The following PCDHGA12 variants were observed in gnomAD, a reference collection of about 807,000 sequenced individuals.
The protein encoded by PCDHGA12 is protocadherin gamma-A12.
In PCDHGA12, 43 loss-of-function variants were observed where a neutral mutation model predicts 61.1. That is an observed-to-expected ratio of 0.70 (90% CI 0.55 to 0.91). The LOEUF is 0.91. Among genes scored for constraint, PCDHGA12 ranks in the 40% least tolerant of loss-of-function variants. PCDHGA12 has a pLI of 0.00. For missense variants in PCDHGA12, 1,236 were observed against 1,227.7 expected (o/e 1.01, Z -0.10); for synonymous variants, 520 against 542.9 (o/e 0.96, Z 0.59).
In PCDHGA12 at chr5:141,481,399, T is replaced by G. The variant is rs35677249; in HGVS notation, c.2425-13408T>G. 1.9e-3 allele frequency among the ~76,000 whole-genome samples: 284 copies of G among 152,356 alleles called. 1 individual carries two copies. Among genetic ancestry groups the G allele is most frequent in the Middle Eastern group, 0.01 (3 of 294 alleles). ...TTCTTTTTGGAGGGATGTGACAAAA[T>G]TCTTGTATAATTAGATTGTGATGAT... is the stretch of plus-strand genomic sequence containing the variant. On this transcript the variant is annotated intron_variant, in intron 1 of 3. Transcript: ENST00000252085.
intron 1 of PCDHGA12, among the ~76,000 whole-genome samples, chr5:141,448,869 T>C (rs1375609555): frequency 6.6e-6 from 1 of 151,930 alleles, no homozygotes; most frequent in Non-Finnish European, 1.5e-5. Flanking sequence ...GGCGTGAACC[T>C]GGGAGGCGGA....
At chr5:141,433,765 A>G (rs1389737053) in intron 1 of PCDHGA12, among the ~76,000 whole-genome samples, 1 of 148,692 alleles carries the variant, frequency 6.7e-6, no homozygotes, top group Non-Finnish European at 1.5e-5. Flanking sequence ...TTAACCTGGG[A>G]GGTGGAGGTT....
chr5:141,443,826 G>C (rs955306823), intron 1 of PCDHGA12, among the ~76,000 whole-genome samples: 1 of 151,978 alleles, frequency 6.6e-6, no homozygotes, highest in African/African-American at 2.4e-5. Flanking sequence ...AACATAATTA[G>C]GTAAAATGGG....
At position 141,477,924 on chromosome 5, in the gene PCDHGA12, A is replaced by G; in HGVS notation, c.2425-16883A>G. 1 of 1,614,140 alleles carries G rather than the reference A, an allele frequency of 6.2e-7. No homozygotes were observed. On this transcript the variant is annotated intron_variant, in intron 1 of 3. Transcript: ENST00000252085. The surrounding 1 kb of genome is among the most constrained non-coding windows in gnomAD (Gnocchi z 4.9). ...GGCTGGGACGCGGATGCAGGGCACA[A>G]TGCCTGGCTCTCCTACAGTCTCTTG...
chr5:141,491,332 C>T lies in PCDHGA12; in HGVS notation c.2425-3475C>T, dbSNP rs1013118722. 2 of 1,614,072 alleles carry T rather than the reference C, an allele frequency of 1.2e-6. No individual in the cohort carries two copies. The highest frequency in any genetic ancestry group is 2.7e-5 in the African/African-American group (2 of 74,944). On this transcript the variant is annotated intron_variant, in intron 1 of 3. Coordinates refer to ENST00000252085, the MANE Select transcript of PCDHGA12 (RefSeq NM_003735.3). This position sits in a 1 kb window ranked among gnomAD's most constrained non-coding sequence, Gnocchi z 6.9. ...CCTTACCCTTTACCTCATTGTGGCT[C>T]TAGCGACCGTCAGTCTCTTATCCCT...
intron 1 of PCDHGA12, among the ~76,000 whole-genome samples, chr5:141,482,161 G>A (rs2099554171): frequency 6.6e-6 from 1 of 152,008 alleles, no homozygotes; most frequent in Non-Finnish European, 1.5e-5. Context: ...TCAAAGATAT[G>A]TAAGATTAAG....
rs1303712746 is a variant in PCDHGA12 at position 141,512,800 on chromosome 5, C to G, written c.*1627C>G. The G allele has an allele frequency of 1.3e-5, 2 of 152,238 alleles. No homozygotes were observed. Among genetic ancestry groups the G allele is most frequent in the African/African-American group, 4.8e-5 (2 of 41,434 alleles). The allele number at this position is 152,238 out of a possible 1,614,324, so 9.4% of individuals were successfully genotyped here. A position where few individuals can be genotyped will look rare whatever the true frequency, so the allele number is the denominator to read the frequency against. On this transcript the variant is annotated 3_prime_UTR_variant, in exon 4 of 4. Coordinates refer to ENST00000252085, the MANE Select transcript of PCDHGA12 (RefSeq NM_003735.3). Reference sequence around the variant, plus strand: ...GCCCGTGTTGTGTTTTGTGCTGTGTCCACGCGCTAAGGCGACCCCCTCCCC... The same window carrying G: ...GCCCGTGTTGTGTTTTGTGCTGTGTGCACGCGCTAAGGCGACCCCCTCCCC...
At chr5:141,449,025 C>G (rs2154562458) in intron 1 of PCDHGA12, among the ~76,000 whole-genome samples, 1 of 152,216 alleles carries the variant, frequency 6.6e-6, no homozygotes, top group East Asian at 1.9e-4. Flanking sequence ...GCTTAGCATT[C>G]CTTTGGATTA....
rs1049831420 is a variant in PCDHGA12 at position 141,486,549 on chromosome 5, C to T, written c.2425-8258C>T. ...AATCCACCCTCTTTCTTTCAGAGGTCACATGAGGTGTTTGTTCCTGAGAAC... is the reference window on the plus strand; with the variant it reads ...AATCCACCCTCTTTCTTTCAGAGGTTACATGAGGTGTTTGTTCCTGAGAAC... On this transcript the variant is annotated intron_variant, in intron 1 of 3. Coordinates refer to ENST00000252085, the MANE Select transcript of PCDHGA12 (RefSeq NM_003735.3). This position sits in a 1 kb window ranked among gnomAD's most constrained non-coding sequence, Gnocchi z 5.0. The T allele has an allele frequency of 3.1e-6, 5 of 1,613,982 alleles. No individual in the cohort carries two copies. In the African/African-American group the frequency reaches 4.0e-5, roughly 13 times the overall value.
At chr5:141,445,844 A>T (rs979756627) in intron 1 of PCDHGA12, among the ~76,000 whole-genome samples, 3 of 152,216 alleles carry the variant, frequency 2.0e-5, no homozygotes, top group Admixed American at 1.3e-4. Context: ...TGTAAATCAC[A>T]CTTAAAATTC....
chr5:141,452,133 A>C (rs2098734490), intron 1 of PCDHGA12, among the ~76,000 whole-genome samples: 1 of 152,136 alleles, frequency 6.6e-6, no homozygotes, highest in Admixed American at 6.5e-5. Flanking sequence ...TATATGGCTC[A>C]TGTGTTTTTT....
At chr5:141,435,421 C>T (rs1384040447) in intron 1 of PCDHGA12, among the ~76,000 whole-genome samples, 2 of 152,096 alleles carry the variant, frequency 1.3e-5, no homozygotes, top group Non-Finnish European at 2.9e-5. Context: ...CTATTTTTCA[C>T]TTCTGTTATG....
chr5:141,493,250 C>T lies in PCDHGA12; in HGVS notation c.2425-1557C>T, dbSNP rs1330348553. On this transcript the variant is annotated intron_variant, in intron 1 of 3. Coordinates refer to ENST00000252085, the MANE Select transcript of PCDHGA12 (RefSeq NM_003735.3). The surrounding 1 kb of genome is among the most constrained non-coding windows in gnomAD (Gnocchi z 4.3). ...TGCTGTTGGCTAGGTACTAACATGC[C>T]TCTCTTATAACAGCTTCACAGAGGT... Among the ~76,000 whole-genome samples the T allele has an allele frequency of 1.3e-5, 2 of 152,154 alleles. No homozygotes were observed. Among genetic ancestry groups the T allele is most frequent in the Non-Finnish European group, 2.9e-5 (2 of 68,024 alleles).
At chr5:141,459,237 C>T (rs1004453705) in intron 1 of PCDHGA12, among the ~76,000 whole-genome samples, 1 of 152,214 alleles carries the variant, frequency 6.6e-6, no homozygotes, top group Admixed American at 6.5e-5. Flanking sequence ...AACTGGTCTG[C>T]TTCCTGTCAC....
At position 141,501,332 on chromosome 5, in the gene PCDHGA12, CA is replaced by C. The variant is rs1257793029; in HGVS notation, c.2484-4060del. 1.8e-3 allele frequency among the ~76,000 whole-genome samples: 265 copies of C among 149,784 alleles called. 1 individual carries two copies. The highest frequency in any genetic ancestry group is 5.2e-3 in the African/African-American group (209 of 40,512). On this transcript the variant is annotated intron_variant, in intron 2 of 3. Transcript: ENST00000252085. Reference sequence around the variant, plus strand: ...ACACACACACACACACACACACACACACCCCAAACTCAATAGGGCAAGAACC... The same window carrying C: ...ACACACACACACACACACACACACACCCCCAAACTCAATAGGGCAAGAACC...
chr5:141,496,140 T>C (rs1172903212), intron 2 of PCDHGA12, among the ~76,000 whole-genome samples: 1 of 152,006 alleles, frequency 6.6e-6, no homozygotes, highest in Admixed American at 6.6e-5. Flanking sequence ...CACTGAGCCT[T>C]TGATCGCAGC....
chr5:141,498,104 C>T (rs530844708), intron 2 of PCDHGA12, among the ~76,000 whole-genome samples: 2 of 152,106 alleles, frequency 1.3e-5, no homozygotes, highest in African/African-American at 4.8e-5. Context: ...GTGGTGTGGG[C>T]GTATAATAGG....
chr5:141,450,991 AT>A (rs1351194705), intron 1 of PCDHGA12, among the ~76,000 whole-genome samples: 2 of 150,700 alleles, frequency 1.3e-5, no homozygotes, highest in Non-Finnish European at 1.5e-5. Context: ...CACCCGGCTA[AT>A]TTTTTTGTAT....
At position 141,431,982 on chromosome 5, in the gene PCDHGA12, T is replaced by G. The variant is rs2097433926; in HGVS notation, c.1223T>G (p.Ile408Arg). The G allele has an allele frequency of 6.2e-7, 1 of 1,614,212 alleles. No homozygotes were observed. Among genetic ancestry groups the G allele is most frequent in the African/African-American group, 1.3e-5 (1 of 75,056 alleles). ...YGNYYSLVTD[I>R]VLDREQVPSY... ...AATTACTATAGTTTAGTCACAGACA[T>G]AGTCTTGGATAGGGAACAGGTTCCT... Residue 408 changes from isoleucine (I) to arginine (R), a missense_variant, in exon 1 of 4, where the codon ATA becomes AGA. Transcript: ENST00000252085. The surrounding 1 kb of genome is among the most constrained non-coding windows in gnomAD (Gnocchi z 4.8).
Sources: allele counts gnomAD v4.1 joint callset (sites outside exome capture counted in the v4.1 genomes callset), GRCh38; gene constraint gnomAD v4.1.1; non-coding constraint Gnocchi (gnomAD v3.1); transcripts MANE v1.5; gene names NCBI Gene and HGNC (gene_info 2026-07-23, HGNC 2026-07-21).